The following CLSTN2 variants were observed in gnomAD, a reference collection of about 807,000 sequenced individuals.
The protein encoded by CLSTN2 is calsyntenin-2.
Under a neutral mutation model 101.2 loss-of-function variants are expected in CLSTN2, and 48 were observed. The observed-to-expected ratio is 0.47, with a 90% CI of 0.38 to 0.60. The LOEUF (loss-of-function observed/expected upper bound fraction) is 0.60. Ranked by LOEUF, CLSTN2 falls within the 20% of genes least tolerant of loss-of-function variation. The pLI is 0.00. For synonymous variants in CLSTN2, 481 were observed against 463.6 expected, an observed-to-expected ratio of 1.04 and a Z score of -0.48; for missense variants, 1,160 against 1,238.2, an observed-to-expected ratio of 0.94 and a Z score of 0.95.
intron 2 of CLSTN2, among the ~76,000 whole-genome samples, chr3:140,332,345 G>GA (rs2087391719): frequency 6.6e-6 from 1 of 152,112 alleles, no homozygotes; most frequent in Admixed American, 6.5e-5. Flanking sequence ...TGGGGGAGGG[G>GA]TGAGCAAGGT....
intron 1 of CLSTN2, among the ~76,000 whole-genome samples, chr3:140,157,920 C>A (rs1192636768): frequency 1.3e-5 from 2 of 152,166 alleles, no homozygotes; most frequent in Admixed American, 1.3e-4. Context: ...ACCATATTAT[C>A]ATTTCAATAG....
rs540330638 is a variant in CLSTN2 at position 140,332,659 on chromosome 3, C to G, written c.233-70970C>G. On this transcript the variant is annotated intron_variant, in intron 2 of 16. Coordinates refer to ENST00000458420, the MANE Select transcript of CLSTN2 (RefSeq NM_022131.3). ...AGCCTATGAATAACTCTGTCTACCC[C>G]CTTCCTGTCACACAGTGTATGCTTG... 3.3e-4 allele frequency among the ~76,000 whole-genome samples: 50 copies of G among 152,032 alleles called. 1 individual carries two copies. Among genetic ancestry groups the G allele is most frequent in the African/African-American group, 9.2e-4 (38 of 41,482 alleles).
At chr3:140,124,952 C>G (rs920738141) in intron 1 of CLSTN2, among the ~76,000 whole-genome samples, 11 of 152,134 alleles carry the variant, frequency 7.2e-5, no homozygotes, top group Non-Finnish European at 1.5e-4. Context: ...GAGAAGGAAA[C>G]CAAGTGACTG....
chr3:140,420,147 G>A (rs1407820367), intron 4 of CLSTN2, among the ~76,000 whole-genome samples: 4 of 151,726 alleles, frequency 2.6e-5, no homozygotes, highest in African/African-American at 7.3e-5. Context: ...ACCCACCTCA[G>A]CCTTCCAAAG....
At chr3:140,047,934 C>A (rs2007912678) in intron 1 of CLSTN2, among the ~76,000 whole-genome samples, 1 of 152,170 alleles carries the variant, frequency 6.6e-6, no homozygotes, top group Non-Finnish European at 1.5e-5. Context: ...CAAACCATAG[C>A]AATACGTTAA....
intron 2 of CLSTN2, among the ~76,000 whole-genome samples, chr3:140,359,157 G>T (rs13319247): frequency 2.0e-5 from 3 of 151,066 alleles, no homozygotes; most frequent in Non-Finnish European, 4.4e-5. Context: ...AAAAAAAAAG[G>T]CTTTGGTTCT....
At chr3:140,168,201 A>C (rs965992696) in intron 1 of CLSTN2, among the ~76,000 whole-genome samples, 1 of 152,124 alleles carries the variant, frequency 6.6e-6, no homozygotes, top group Non-Finnish European at 1.5e-5. Context: ...TGATATTGTC[A>C]GTTTTATTTT....
At chr3:140,427,008 C>T (rs1171763851) in intron 5 of CLSTN2, among the ~76,000 whole-genome samples, 1 of 151,310 alleles carries the variant, frequency 6.6e-6, no homozygotes, top group African/African-American at 2.4e-5. Context: ...ATCCCTGTCT[C>T]TACTGAAAAC....
Position 140,161,427 on chromosome 3 carries a change from G to A in CLSTN2, c.110-14524G>A, listed in dbSNP as rs1043006127. On this transcript the variant is annotated intron_variant, in intron 1 of 16. Coordinates refer to ENST00000458420, the MANE Select transcript of CLSTN2 (RefSeq NM_022131.3). The stretch of plus-strand genomic sequence containing the variant: ...ATTTCAGACAATTATTCTCCTGACA[G>A]CATGCACTCAAGTTCATACAAGAAA... Among the ~76,000 whole-genome samples the A allele has an allele frequency of 1.3e-5, 2 of 152,142 alleles. 1 individual carries two copies. The highest frequency in any genetic ancestry group is 2.9e-5 in the Non-Finnish European group (2 of 68,026).
chr3:140,370,903 A>G (rs1222710908), intron 2 of CLSTN2, among the ~76,000 whole-genome samples: 2 of 151,632 alleles, frequency 1.3e-5, no homozygotes, highest in African/African-American at 4.8e-5. Context: ...CCTAACCTGG[A>G]CAAGCCAAAC....
At chr3:140,197,110 C>T (rs543601893) in intron 2 of CLSTN2, among the ~76,000 whole-genome samples, 25 of 152,288 alleles carry the variant, frequency 1.6e-4, no homozygotes, top group Non-Finnish European at 2.2e-4. Flanking sequence ...TACAACCCTG[C>T]CTGGCTTGCA....
chr3:140,517,181 A>T (rs562495131), intron 8 of CLSTN2, among the ~76,000 whole-genome samples: 2 of 151,990 alleles, frequency 1.3e-5, no homozygotes, highest in East Asian at 3.9e-4. Context: ...AAAAGTTGTG[A>T]TTGTTTTTCA....
intron 8 of CLSTN2, among the ~76,000 whole-genome samples, chr3:140,486,697 C>T (rs1423323483): frequency 5.9e-5 from 9 of 152,146 alleles, no homozygotes; most frequent in African/African-American, 2.2e-4. Context: ...AAGAAGTGTT[C>T]ATTATATATG....
intron 1 of CLSTN2, among the ~76,000 whole-genome samples, chr3:140,135,117 C>CACACACATATAT (rs1488268767): frequency 2.4e-4 from 14 of 58,112 alleles, no homozygotes; most frequent in Non-Finnish European, 3.6e-4. Flanking sequence ...CACACACACA[C>CACACACATATAT]ATATATATAT....
chr3:140,107,500 C>T (rs866046761), intron 1 of CLSTN2, among the ~76,000 whole-genome samples: 1 of 152,174 alleles, frequency 6.6e-6, no homozygotes, highest in Non-Finnish European at 1.5e-5. Flanking sequence ...AATGTGAGTG[C>T]AGACTCACCT....
chr3:140,366,198 A>G (rs868117377), intron 2 of CLSTN2, among the ~76,000 whole-genome samples: 5 of 151,760 alleles, frequency 3.3e-5, no homozygotes, highest in Non-Finnish European at 5.9e-5. Flanking sequence ...ATCACCCCTC[A>G]CCTCCCCTCC....
chr3:140,104,188 T>A (rs2009014814), intron 1 of CLSTN2, among the ~76,000 whole-genome samples: 1 of 152,222 alleles, frequency 6.6e-6, no homozygotes, highest in African/African-American at 2.4e-5. Context: ...AAAGATTGAG[T>A]TGCACCCTTC....
At chr3:140,008,627 G>T (rs562409064) in intron 1 of CLSTN2, among the ~76,000 whole-genome samples, 1 of 152,350 alleles carries the variant, frequency 6.6e-6, no homozygotes, top group East Asian at 1.9e-4. Context: ...TACTCTGCCT[G>T]GATCAGAGCC....
intron 2 of CLSTN2, among the ~76,000 whole-genome samples, chr3:140,235,703 T>A (rs576597518): frequency 6.6e-6 from 1 of 152,162 alleles, no homozygotes; most frequent in South Asian, 2.1e-4. Context: ...CTAGGAGAGG[T>A]AGGGGTTAAG....
Sources: allele counts gnomAD v4.1 joint callset (sites outside exome capture counted in the v4.1 genomes callset), GRCh38; gene constraint gnomAD v4.1.1; transcripts MANE v1.5; gene names NCBI Gene and HGNC (gene_info 2026-07-23, HGNC 2026-07-21).